ZBTB38: variants seen among roughly 807,000 people sequenced by gnomAD.
ZBTB38 encodes the protein zinc finger and BTB domain-containing protein 38.
Under a neutral mutation model 76.8 loss-of-function variants are expected in ZBTB38, and 20 were observed. The ratio of observed to expected loss-of-function variants is 0.26; its 90% confidence interval spans 0.18 to 0.38. The LOEUF is 0.38. ZBTB38 is among the 10% of genes least tolerant of loss of function. The pLI, the probability that ZBTB38 is intolerant of heterozygous loss-of-function variation, is 1.00. For synonymous variants in ZBTB38, 504 were observed against 544.2 expected, an observed-to-expected ratio of 0.93 and a Z score of 1.03; for missense variants, 1,082 against 1,482.3, an observed-to-expected ratio of 0.73 and a Z score of 4.43.
At chr3:141,419,312 A>G (rs771529442) in intron 5 of ZBTB38, among the ~76,000 whole-genome samples, 5 of 152,230 alleles carry the variant, frequency 3.3e-5, no homozygotes, top group Non-Finnish European at 5.9e-5. Flanking sequence ...CCAGTTCAAC[A>G]TGAGATTTGG....
At position 141,359,698 on chromosome 3, in the gene ZBTB38, A is replaced by G. The variant is rs112599109; in HGVS notation, c.-738-8923A>G. 7.0e-3 allele frequency among the ~76,000 whole-genome samples: 1,060 copies of G among 152,348 alleles called. 9 individuals are homozygous for G. The highest frequency in any genetic ancestry group is 0.024 in the African/African-American group (1,018 of 41,572). On this transcript the variant is annotated intron_variant, in intron 1 of 7. Coordinates refer to the ZBTB38 transcript ENST00000509842. ...GTAATCCCAGCACTTTGGGAGGCCA[A>G]CGCAGGAGGATCACTTGAGCCCAGG...
rs1206860895 is a variant in ZBTB38, at chr3:141,442,970, C to T, written c.582C>T (p.Asp194=). ...DLRASFKKVS[D]SMRTASLCLE... Reference sequence around the variant, plus strand: ...GGGCAAGTTTCAAAAAGGTCTCCGACTCCATGAGAACAGCTAGCCTTTGCC... The same window carrying T: ...GGGCAAGTTTCAAAAAGGTCTCCGATTCCATGAGAACAGCTAGCCTTTGCC... The change falls in exon 6 of 6, where the codon GAC becomes GAT. Residue 194 remains aspartate (D), a synonymous_variant. Transcript: ENST00000321464. The surrounding 1 kb of genome is among the most constrained non-coding windows in gnomAD (Gnocchi z 6.4). The T allele has an allele frequency of 1.9e-6, 3 of 1,614,254 alleles. No homozygotes were observed. The highest frequency in any genetic ancestry group is 2.7e-5 in the African/African-American group (2 of 75,068).
chr3:141,442,436 T>G lies in ZBTB38; in HGVS notation c.48T>G (p.Ser16Arg). ...LSRDLKDDFH[S>R]DTVLSILNEQ... ...GGGACCTCAAGGACGACTTTCACAGTGACACGGTACTCTCCATCTTAAATG... is the reference window on the plus strand; with the variant it reads ...GGGACCTCAAGGACGACTTTCACAGGGACACGGTACTCTCCATCTTAAATG... Residue 16 changes from serine to arginine, a missense_variant, in exon 6 of 6, where the codon AGT (serine) becomes AGG (arginine). Physicochemically the swap from Ser to Arg is moderately radical, Grantham distance 110. Coordinates refer to ENST00000321464, the MANE Select transcript of ZBTB38 (RefSeq NM_001376113.1). This position sits in a 1 kb window ranked among gnomAD's most constrained non-coding sequence, Gnocchi z 6.4. 1 of 1,614,162 alleles carries G rather than the reference T, an allele frequency of 6.2e-7. No individual in the cohort carries two copies. Among genetic ancestry groups the G allele is most frequent in the Non-Finnish European group, 8.5e-7 (1 of 1,180,012 alleles).
chr3:141,341,721 A>G (rs1365810823), intron 1 of ZBTB38, among the ~76,000 whole-genome samples: 1 of 152,240 alleles, frequency 6.6e-6, no homozygotes, highest in Non-Finnish European at 1.5e-5. Context: ...GCAGAGGCAA[A>G]TGCTAGAGTG....
chr3:141,343,574 G>T lies in ZBTB38; in HGVS notation c.-739+19118G>T, dbSNP rs575989220. Among the ~76,000 whole-genome samples, 180 of 152,276 alleles carry T rather than the reference G, an allele frequency of 1.2e-3. 1 individual carries two copies. The highest frequency in any genetic ancestry group is 4.1e-3 in the African/African-American group (172 of 41,558). ...ATATAGTCTTCCCATCCACACAGGA[G>T]CTTTGTTTCCTGATCTATACCAGCA... is the stretch of plus-strand genomic sequence containing the variant. On this transcript the variant is annotated intron_variant, in intron 1 of 7. Transcript: ENST00000509842.
intron 1 of ZBTB38, among the ~76,000 whole-genome samples, chr3:141,343,539 A>G (rs994872167): frequency 6.6e-6 from 1 of 152,348 alleles, no homozygotes; most frequent in South Asian, 2.1e-4. Flanking sequence ...GACTAAGGCT[A>G]TCACAGCATA....
chr3:141,435,629 A>G (rs2078598696), intron 5 of ZBTB38, among the ~76,000 whole-genome samples: 1 of 151,812 alleles, frequency 6.6e-6, no homozygotes, highest in Non-Finnish European at 1.5e-5. Context: ...GCACGGTGGC[A>G]CACACCTGTA....
intron 1 of ZBTB38, among the ~76,000 whole-genome samples, chr3:141,355,059 G>C (rs1033672099): frequency 1.3e-5 from 2 of 152,064 alleles, no homozygotes; most frequent in African/African-American, 2.4e-5. Flanking sequence ...TACATGCTTA[G>C]TTTATATTCT....
intron 2 of ZBTB38, among the ~76,000 whole-genome samples, chr3:141,375,662 A>T (rs1272620549): frequency 5.3e-5 from 8 of 152,254 alleles, no homozygotes; most frequent in Admixed American, 3.3e-4. Context: ...GTCAGAAACC[A>T]AGACAGCGGA....
chr3:141,385,632 T>A (rs1946870263), intron 3 of ZBTB38, among the ~76,000 whole-genome samples: 1 of 146,510 alleles, frequency 6.8e-6, no homozygotes, highest in Non-Finnish European at 1.5e-5. Flanking sequence ...AAACATTTCA[T>A]TGCAATTCGA....
intron 4 of ZBTB38, among the ~76,000 whole-genome samples, chr3:141,392,272 C>T (rs781621259): frequency 6.6e-6 from 1 of 152,054 alleles, no homozygotes; most frequent in East Asian, 1.9e-4. Flanking sequence ...GGTAAAGGGG[C>T]TCTCTGCCCA....
chr3:141,364,799 A>G (rs1943917674), upstream of ZBTB38, among the ~76,000 whole-genome samples: 1 of 151,906 alleles, frequency 6.6e-6, no homozygotes, highest in Admixed American at 6.6e-5. Flanking sequence ...CACACTCAAC[A>G]TCATTAGTCA....
At chr3:141,405,666 C>T (rs1036157779) in intron 5 of ZBTB38, 2 of 152,196 alleles carry the variant, frequency 1.3e-5, no homozygotes, top group African/African-American at 4.8e-5. Context: ...CCTGTAATAA[C>T]TTAATCCCCA....
chr3:141,399,814 G>A lies in ZBTB38; in HGVS notation c.-105-4113G>A, dbSNP rs11715643. Among the ~76,000 whole-genome samples, 1,268 of 152,212 alleles carry A rather than the reference G, an allele frequency of 8.3e-3. 6 individuals carry two copies. Among genetic ancestry groups the A allele is most frequent in the Non-Finnish European group, 0.013 (916 of 68,026 alleles). On this transcript the variant is annotated intron_variant, in intron 4 of 5. Transcript: ENST00000321464. ...ACTGGCCAAGAGTCCTAGTCAGAAG[G>A]TGCAAGCAGGCAGTTGTAGGATAAC... is the stretch of plus-strand genomic sequence containing the variant.
intron 5 of ZBTB38, among the ~76,000 whole-genome samples, chr3:141,431,341 A>AAAAAAATAT: frequency 9.7e-6 from 1 of 103,282 alleles, no homozygotes; most frequent in African/African-American, 6.0e-5. Flanking sequence ...AAAAAAAAAA[A>AAAAAAATAT]ATATATATAT....
chr3:141,429,159 A>G (rs556702933), intron 5 of ZBTB38, among the ~76,000 whole-genome samples: 51 of 152,270 alleles, frequency 3.3e-4, no homozygotes, highest in Middle Eastern at 3.4e-3. Flanking sequence ...AGTATATTGG[A>G]ATGTTGAGGG....
chr3:141,343,397 C>T (rs1404829756), intron 1 of ZBTB38, among the ~76,000 whole-genome samples: 1 of 152,012 alleles, frequency 6.6e-6, no homozygotes, highest in Non-Finnish European at 1.5e-5. Context: ...GGTGTTAGGT[C>T]ATGAGAGCCA....
intron 5 of ZBTB38, chr3:141,438,491 G>C (rs1417942405): frequency 1.3e-5 from 2 of 151,192 alleles, no homozygotes; most frequent in Non-Finnish European, 2.9e-5. Context: ...CAAAGTGCTG[G>C]GATTACAGGC....
At chr3:141,357,356 G>A (rs1343731063) in intron 1 of ZBTB38, among the ~76,000 whole-genome samples, 1 of 152,088 alleles carries the variant, frequency 6.6e-6, no homozygotes, top group African/African-American at 2.4e-5. Context: ...TGTTTATGGT[G>A]TCTTTAGCCA....
Sources: allele counts gnomAD v4.1 joint callset (sites outside exome capture counted in the v4.1 genomes callset), GRCh38; gene constraint gnomAD v4.1.1; non-coding constraint Gnocchi (gnomAD v3.1); transcripts MANE v1.5; gene names NCBI Gene and HGNC (gene_info 2026-07-23, HGNC 2026-07-21).